Variants in HTR2C observed in about 807,000 individuals in gnomAD.
HTR2C encodes 5-hydroxytryptamine (serotonin) receptor 2C, G protein-coupled.
In HTR2C, 5 loss-of-function variants were observed where a neutral mutation model predicts 21.0. That is an observed-to-expected ratio of 0.24 (90% CI 0.12 to 0.50). The LOEUF (loss-of-function observed/expected upper bound fraction) is 0.50. Among genes scored for constraint, HTR2C ranks in the 20% least tolerant of loss-of-function variants. The probability of loss-of-function intolerance (pLI) is 0.98; values close to 1 mark genes in which losing one functional copy is unlikely to be tolerated. For missense variants in HTR2C, 271 were observed against 371.2 expected (o/e 0.73, Z 2.22); for synonymous variants, 150 against 145.3 (o/e 1.03, Z -0.23).
chrX:114,618,574 TATTG>T (rs1297333901), intron 2 of HTR2C, among the ~76,000 whole-genome samples: 1 of 111,873 alleles, frequency 8.9e-6, no homozygotes, highest in African/African-American at 3.2e-5. Flanking sequence ...GACACAAGAA[TATTG>T]ATTTTTATTT....
intron 2 of HTR2C, among the ~76,000 whole-genome samples, chrX:114,667,706 A>G (rs1442227396): frequency 9.0e-6 from 1 of 111,379 alleles, no homozygotes; most frequent in East Asian, 2.8e-4. Context: ...AAGGAACTAA[A>G]TTGTACTCAA....
intron 2 of HTR2C, among the ~76,000 whole-genome samples, chrX:114,628,405 ATTT>A (rs35975864): frequency 3.2e-4 from 14 of 43,890 alleles, no homozygotes; most frequent in African/African-American, 1.1e-3. Flanking sequence ...TGCCAGGCTA[ATTT>A]TTTTTTTTTT....
intron 5 of HTR2C, among the ~76,000 whole-genome samples, chrX:114,855,896 G>C: frequency 9.4e-6 from 1 of 106,074 alleles, no homozygotes; most frequent in African/African-American, 3.4e-5. Context: ...TTCCATACAA[G>C]AGAAACTTTT....
intron 2 of HTR2C, among the ~76,000 whole-genome samples, chrX:114,685,449 C>T (rs1931881613): frequency 8.9e-6 from 1 of 112,206 alleles, no homozygotes; most frequent in Admixed American, 9.5e-5. Context: ...CTTCTGAATT[C>T]ATTAGTGAAG....
At chrX:114,819,681 T>G (rs1205055567) in intron 4 of HTR2C, among the ~76,000 whole-genome samples, 1 of 112,676 alleles carries the variant, frequency 8.9e-6, no homozygotes, top group Non-Finnish European at 1.9e-5. Context: ...GTCAGTGGTC[T>G]TATCTGGAGA....
At chrX:114,883,270 A>G (rs1364589055) in intron 5 of HTR2C, among the ~76,000 whole-genome samples, 1 of 110,456 alleles carries the variant, frequency 9.1e-6, no homozygotes, top group African/African-American at 3.3e-5. Context: ...CTATCTACCT[A>G]TCTATCCATC....
chrX:114,711,997 T>A lies in HTR2C; in HGVS notation c.-79-14861T>A, dbSNP rs372574036. 2.7e-5 allele frequency among the ~76,000 whole-genome samples: 3 copies of A among 111,867 alleles called. No homozygotes were observed. The East Asian group carries it at 8.4e-4, about 32-fold the overall frequency. On this transcript the variant is annotated intron_variant, in intron 2 of 5. Transcript: ENST00000276198. Reference sequence around the variant, plus strand: ...ATCAATTGTTATTAACAAAAGAAAATAATGGCTCTTTGTGACAGTTTTTAA... The same window carrying A: ...ATCAATTGTTATTAACAAAAGAAAAAAATGGCTCTTTGTGACAGTTTTTAA...
chrX:114,722,186 T>C (rs1556420857), intron 2 of HTR2C, among the ~76,000 whole-genome samples: 1 of 110,223 alleles, frequency 9.1e-6, no homozygotes, highest in African/African-American at 3.3e-5. Flanking sequence ...TATCCTCTTT[T>C]ATTTCTTTGA....
At chrX:114,761,417 T>G (rs782065896) in intron 4 of HTR2C, among the ~76,000 whole-genome samples, 6 of 111,227 alleles carry the variant, frequency 5.4e-5, no homozygotes, top group Non-Finnish European at 1.1e-4. Context: ...TTGGAAGGAT[T>G]TGAGAACTGG....
Position 114,803,524 on chromosome X carries a change from G to T in HTR2C, c.350-44479G>T, listed in dbSNP as rs782674593. 1.2e-3 allele frequency among the ~76,000 whole-genome samples: 129 copies of T among 106,232 alleles called. 1 individual carries two copies. Among genetic ancestry groups the T allele is most frequent in the African/African-American group, 2.6e-3 (76 of 29,464 alleles). The allele number at this position is 106,232 out of a possible 115,157, so 92.2% of individuals were successfully genotyped here. A position where few individuals can be genotyped will look rare whatever the true frequency, so the allele number is the denominator to read the frequency against. On this transcript the variant is annotated intron_variant, in intron 4 of 5. Transcript: ENST00000276198. ...TTCATGTGTTTTTTGGCTGCATAAA[G>T]GTCTTCTTTTGAGAAGTGTCTGTTC...
At chrX:114,593,274 T>G (rs1556391634) in intron 1 of HTR2C, among the ~76,000 whole-genome samples, 2 of 111,738 alleles carry the variant, frequency 1.8e-5, no homozygotes, top group African/African-American at 6.5e-5. Flanking sequence ...CATTGTTTTT[T>G]CCTTAGATAT....
At chrX:114,605,266 G>A (rs1323512487) in intron 1 of HTR2C, among the ~76,000 whole-genome samples, 4 of 112,131 alleles carry the variant, frequency 3.6e-5, no homozygotes, top group African/African-American at 3.3e-5. Flanking sequence ...AGCCGGACCA[G>A]GTGTGAGGAG....
intron 2 of HTR2C, among the ~76,000 whole-genome samples, chrX:114,663,548 A>G (rs1409692951): frequency 9.0e-6 from 1 of 111,226 alleles, no homozygotes; most frequent in Non-Finnish European, 1.9e-5. Flanking sequence ...ACTTGATAAA[A>G]ATTATTTTTA....
intron 4 of HTR2C, among the ~76,000 whole-genome samples, chrX:114,800,835 T>A (rs1246684522): frequency 1.8e-5 from 2 of 110,584 alleles, no homozygotes; most frequent in Non-Finnish European, 3.8e-5. Context: ...TAGGAACAAG[T>A]TTCTTTAGCA....
At chrX:114,754,641 T>C (rs1556429294) in intron 4 of HTR2C, among the ~76,000 whole-genome samples, 2 of 110,581 alleles carry the variant, frequency 1.8e-5, no homozygotes, top group African/African-American at 6.6e-5. Context: ...AAACAGACCA[T>C]AGACTTAAAT....
chrX:114,725,617 C>A (rs1446197325), intron 2 of HTR2C, among the ~76,000 whole-genome samples: 1 of 111,658 alleles, frequency 9.0e-6, no homozygotes, highest in Non-Finnish European at 1.9e-5. Context: ...TCCAGTTTTT[C>A]TACTCTGTTT....
intron 2 of HTR2C, among the ~76,000 whole-genome samples, chrX:114,664,518 G>A (rs1173558404): frequency 1.1e-4 from 12 of 111,917 alleles, no homozygotes; most frequent in African/African-American, 3.9e-4. Flanking sequence ...ACGGCTTCAA[G>A]CTCCATCCAT....
intron 4 of HTR2C, among the ~76,000 whole-genome samples, chrX:114,841,264 G>T (rs782392031): frequency 2.7e-5 from 3 of 112,005 alleles, no homozygotes; most frequent in Non-Finnish European, 5.6e-5. Context: ...ATGACACATC[G>T]TAAAACAATT....
At chrX:114,763,026 T>C (rs782095208) in intron 4 of HTR2C, among the ~76,000 whole-genome samples, 1 of 112,200 alleles carries the variant, frequency 8.9e-6, no homozygotes, top group Non-Finnish European at 1.9e-5. Context: ...ATTCTGGGCT[T>C]TCATGGAGCA....
Sources: gnomAD v4.1 joint callset for allele counts (sites outside exome capture counted in the v4.1 genomes callset) on GRCh38, gnomAD v4.1.1 for gene constraint, MANE v1.5 for transcripts, NCBI Gene and HGNC (gene_info 2026-07-23, HGNC 2026-07-21) for gene names.